The following COL5A2 variants were observed in gnomAD, a reference collection of about 807,000 sequenced individuals.
COL5A2 encodes the protein collagen type V alpha 2 chain.
COL5A2 carries 23 observed loss-of-function variants against 208.2 expected under a neutral mutation model. The ratio of observed to expected loss-of-function variants is 0.11; its 90% CI spans 0.08 to 0.16. The LOEUF (loss-of-function observed/expected upper bound fraction) is 0.16, where lower values mean the gene tolerates loss of function less well. COL5A2 is among the 10% of genes least tolerant of loss of function. The pLI, the probability that COL5A2 is intolerant of heterozygous loss-of-function variation, is 1.00. For synonymous variants in COL5A2, 625 were observed against 628.5 expected, an observed-to-expected ratio of 0.99 and a Z score of 0.08; for missense variants, 1,590 against 1,956.4, an observed-to-expected ratio of 0.81 and a Z score of 3.53.
At chr2:189,222,940 G>A (rs998118074) in intron 1 of COL5A2, among the ~76,000 whole-genome samples, 1 of 152,098 alleles carries the variant, frequency 6.6e-6, no homozygotes, top group Non-Finnish European at 1.5e-5. Flanking sequence ...CTCTTACGGT[G>A]AGAAATTCTC....
intron 1 of COL5A2, among the ~76,000 whole-genome samples, chr2:189,153,457 C>A (rs553339741): frequency 1.2e-3 from 190 of 152,284 alleles, no homozygotes; most frequent in African/African-American, 4.4e-3. Context: ...ATCTGCTTAA[C>A]CCCAGTCATG....
At chr2:189,140,072 C>CA (rs1687907194) in intron 1 of COL5A2, among the ~76,000 whole-genome samples, 1 of 149,964 alleles carries the variant, frequency 6.7e-6, no homozygotes, top group Non-Finnish European at 1.5e-5. Context: ...GACTCTATCT[C>CA]AAAAAAATAA....
chr2:189,063,105 T>G (rs1307141652), intron 27 of COL5A2, 42 bp from the exon 28 acceptor site: 22 of 1,612,804 alleles, frequency 1.4e-5, no homozygotes, highest in Non-Finnish European at 1.9e-5. Flanking sequence ...CTTCAATTTG[T>G]CAAAAACATA....
At chr2:189,153,789 C>T (rs931297538) in intron 1 of COL5A2, among the ~76,000 whole-genome samples, 1 of 152,030 alleles carries the variant, frequency 6.6e-6, no homozygotes, top group African/African-American at 2.4e-5. Context: ...GCTTCACATC[C>T]CTTTTGGTTG....
chr2:189,090,254 C>T (rs1686755307), intron 7 of COL5A2, among the ~76,000 whole-genome samples: 1 of 152,158 alleles, frequency 6.6e-6, no homozygotes, highest in South Asian at 2.1e-4. Context: ...CATTATCTTA[C>T]CCAAAATCGA....
chr2:189,238,721 G>C, the COL5A2 span, among the ~76,000 whole-genome samples: 1 of 152,168 alleles, frequency 6.6e-6, no homozygotes, highest in African/African-American at 2.4e-5. Context: ...CTGAGCAAAG[G>C]GGAAAGAGCC....
At chr2:189,396,187 TA>T in the COL5A2 span, among the ~76,000 whole-genome samples, 7 of 152,220 alleles carry the variant, frequency 4.6e-5, no homozygotes, top group Non-Finnish European at 8.8e-5. Flanking sequence ...CTGTAAAAGC[TA>T]AAGTGTGTGA....
chr2:189,356,729 C>T, the COL5A2 span, among the ~76,000 whole-genome samples: 2 of 152,204 alleles, frequency 1.3e-5, no homozygotes, highest in African/African-American at 2.4e-5. Context: ...CTGAAGCCTA[C>T]TTCTGTCAAT....
intron 1 of COL5A2, among the ~76,000 whole-genome samples, chr2:189,152,872 T>C (rs1688172458): frequency 6.6e-6 from 1 of 152,172 alleles, no homozygotes; most frequent in Non-Finnish European, 1.5e-5. Context: ...TTATTTATCT[T>C]GAACTGCTTG....
At position 189,045,231 on chromosome 2, in the gene COL5A2, C is replaced by A. The variant is rs1167178682; in HGVS notation, c.3311G>T (p.Gly1104Val). ...AGGTGGTCCTATAGGACCCCGAGAA[C>A]CCTAAAAGAAATTTACAACAAAAAA... The part of the protein sequence containing the change: ...PGDAGQRGDP[G>V]SRGPIGPPGR... Residue 1104 changes from glycine (G) to valine (V), a missense_variant and splice_region_variant, in exon 47 of 54, where the codon GGT becomes GTT. Transcript: ENST00000374866. 1.2e-6 allele frequency: 2 copies of A among 1,606,042 alleles called. No individual in the cohort carries two copies. Among genetic ancestry groups the A allele is most frequent in the African/African-American group, 1.3e-5 (1 of 74,350 alleles).
chr2:189,323,269 G>T, the COL5A2 span, among the ~76,000 whole-genome samples: 1 of 152,150 alleles, frequency 6.6e-6, no homozygotes, highest in Non-Finnish European at 1.5e-5. Flanking sequence ...ACAAGACAGG[G>T]ATGCCCTCTC....
chr2:189,072,138 G>A (rs1297604550), intron 17 of COL5A2, 45 bp from the exon 18 acceptor site: 1 of 1,360,440 alleles, frequency 7.4e-7, no homozygotes, highest in Non-Finnish European at 1.0e-6. Context: ...TATTCAATTA[G>A]TATCTAATTA....
intron 1 of COL5A2, among the ~76,000 whole-genome samples, chr2:189,149,778 A>T (rs1395761900): frequency 1.3e-5 from 2 of 152,196 alleles, no homozygotes; most frequent in African/African-American, 2.4e-5. Flanking sequence ...GAAGCCTAGC[A>T]TTAGAAATTT....
the COL5A2 span, among the ~76,000 whole-genome samples, chr2:189,318,867 G>A: frequency 6.6e-6 from 1 of 152,072 alleles, no homozygotes; most frequent in Non-Finnish European, 1.5e-5. Flanking sequence ...TTAGTCACCT[G>A]CAAATAAACC....
At chr2:189,407,796 C>A in the COL5A2 span, among the ~76,000 whole-genome samples, 2 of 152,136 alleles carry the variant, frequency 1.3e-5, no homozygotes, top group Admixed American at 6.5e-5. Flanking sequence ...TTGTACTGAA[C>A]AAAACCAGGC....
the COL5A2 span, among the ~76,000 whole-genome samples, chr2:189,386,940 T>C: frequency 6.6e-6 from 1 of 151,708 alleles, no homozygotes; most frequent in East Asian, 1.9e-4. Context: ...GAAAAACTGT[T>C]TGACTCAGCA....
chr2:189,060,859 T>TTA, intron 30 of COL5A2, 76 bp from the exon 31 acceptor site: 1 of 1,015,430 alleles, frequency 9.8e-7, no homozygotes. Flanking sequence ...AGTTTACCTT[T>TTA]TACAATTCAT....
At chr2:189,109,911 T>C (rs1687226852) in intron 2 of COL5A2, among the ~76,000 whole-genome samples, 1 of 152,100 alleles carries the variant, frequency 6.6e-6, no homozygotes, top group Admixed American at 6.6e-5. Flanking sequence ...AACTGAAAAA[T>C]AACTTGGAGG....
At chr2:189,271,803 A>T in the COL5A2 span, among the ~76,000 whole-genome samples, 412 of 152,338 alleles carry the variant, frequency 2.7e-3, 3 homozygotes, top group African/African-American at 9.4e-3. Context: ...GAACTTAAAC[A>T]AATTTACAAG....
Sources: gnomAD v4.1 joint callset for allele counts (sites outside exome capture counted in the v4.1 genomes callset) on GRCh38, gnomAD v4.1.1 for gene constraint, MANE v1.5 for transcripts, NCBI Gene and HGNC (gene_info 2026-07-23, HGNC 2026-07-21) for gene names.